Variants in TNFRSF14 observed in about 807,000 individuals in gnomAD.
TNFRSF14 encodes tumor necrosis factor receptor superfamily member 14.
A neutral mutation model predicts 34.1 loss-of-function variants in TNFRSF14; 18 were observed. That is an observed-to-expected ratio of 0.53 (90% CI 0.36 to 0.78). TNFRSF14 has a LOEUF of 0.78. TNFRSF14 is among the 30% of genes least tolerant of loss of function. The pLI, the probability that TNFRSF14 is intolerant of heterozygous loss-of-function variation, is 0.00. For missense variants in TNFRSF14, 352 were observed against 379.5 expected, an observed-to-expected ratio of 0.93 and a Z score of 0.60; for synonymous variants, 157 against 153.2, an observed-to-expected ratio of 1.02 and a Z score of -0.18.
chr1:2,556,488 C>G lies in TNFRSF14; in HGVS notation c.-177C>G. The G allele has an allele frequency of 2.7e-6, 2 of 728,800 alleles. No individual in the cohort carries two copies. Among genetic ancestry groups the G allele is most frequent in the Non-Finnish European group, 4.9e-6 (2 of 408,154 alleles). 45.1% of individuals were successfully genotyped at this position (728,800 alleles called of 1,614,324 possible). On this transcript the variant is annotated 5_prime_UTR_variant, in exon 1 of 8. Transcript: ENST00000355716. ...GAGCCCCTCTCTGCTGCCAGACACC[C>G]CCTGCTGCCCACTCTCCTGCTGCTC...
chr1:2,557,263 C>T (rs563011381), intron 1 of TNFRSF14, among the ~76,000 whole-genome samples: 5 of 152,362 alleles, frequency 3.3e-5, no homozygotes, highest in East Asian at 1.9e-4. Context: ...AACGAGGCCA[C>T]GGCAGAGCCA....
chr1:2,563,065 T>C lies in TNFRSF14; in HGVS notation c.727-83T>C. 7 of 1,594,036 alleles carry C rather than the reference T, an allele frequency of 4.4e-6. No individual in the cohort carries two copies. The South Asian group carries it at 7.8e-5, about 18-fold the overall frequency. On this transcript the variant is annotated intron_variant, in intron 7 of 7. Transcript: ENST00000355716. ...CAGGAAAGAACCCACCCCCTCAAAC[T>C]GAAAGCAGTAAAATGAACCCGAGAA...
rs933618301 is a variant in TNFRSF14 at position 2,561,316 on chromosome 1, C to T, written c.552-357C>T. 12 of 621,760 alleles carry T rather than the reference C, an allele frequency of 1.9e-5. No homozygotes were observed. The highest frequency in any genetic ancestry group is 2.8e-5 in the East Asian group (1 of 35,550). 38.5% of individuals were successfully genotyped at this position (621,760 alleles called of 1,614,324 possible). A position where few individuals can be genotyped will look rare whatever the true frequency, so the allele number is the denominator to read the frequency against. ...TCTCCAGCTCTAACCATTTTTGTCCCGACACTGGCTCTCCCTCTACCTTCT... is the reference window on the plus strand; with the variant it reads ...TCTCCAGCTCTAACCATTTTTGTCCTGACACTGGCTCTCCCTCTACCTTCT... On this transcript the variant is annotated intron_variant, in intron 5 of 7. Coordinates refer to ENST00000355716, the MANE Select transcript of TNFRSF14 (RefSeq NM_003820.4). The surrounding 1 kb of genome is among the most constrained non-coding windows in gnomAD (Gnocchi z 6.0).
intron 6 of TNFRSF14, chr1:2,562,238 C>A: frequency 4.2e-6 from 1 of 238,156 alleles, no homozygotes; most frequent in Non-Finnish European, 8.3e-6. Context: ...TCCACCTATC[C>A]GCCCTGGTCT....
Position 2,561,326 on chromosome 1 carries a change from T to C in TNFRSF14, c.552-347T>C. 3.1e-6 allele frequency: 2 copies of C among 639,952 alleles called. No individual in the cohort carries two copies. Among genetic ancestry groups the C allele is most frequent in the South Asian group, 2.3e-5 (1 of 43,658 alleles). The allele number at this position is 639,952 out of a possible 1,614,324, so 39.6% of individuals were successfully genotyped here. A position where few individuals can be genotyped will look rare whatever the true frequency, so the allele number is the denominator to read the frequency against. ...TAACCATTTTTGTCCCGACACTGGC[T>C]CTCCCTCTACCTTCTGTCCTTGTCT... On this transcript the variant is annotated intron_variant, in intron 5 of 7. Transcript: ENST00000355716. The surrounding 1 kb of genome is among the most constrained non-coding windows in gnomAD (Gnocchi z 6.0).
intron 1 of TNFRSF14, among the ~76,000 whole-genome samples, chr1:2,557,492 C>T (rs1231163140): frequency 3.3e-5 from 5 of 152,132 alleles, no homozygotes; most frequent in Non-Finnish European, 2.9e-5. Context: ...CAGGGCTCCG[C>T]GCTGCCAGGC....
At chr1:2,562,123 C>G in intron 6 of TNFRSF14, 1 of 445,068 alleles carries the variant, frequency 2.2e-6, no homozygotes, top group Non-Finnish European at 4.0e-6. Flanking sequence ...ACAGGCCCTG[C>G]TCAGCTGGGA....
intron 3 of TNFRSF14, chr1:2,559,302 G>C: frequency 2.2e-6 from 3 of 1,367,070 alleles, no homozygotes; most frequent in Non-Finnish European, 2.9e-6. Context: ...CTTGGGCTGA[G>C]GATGTGGGGG....
rs1306455048 is a variant in TNFRSF14 at position 2,562,134 on chromosome 1, G to A, written c.694+319G>A. On this transcript the variant is annotated intron_variant, in intron 6 of 7. Coordinates refer to ENST00000355716, the MANE Select transcript of TNFRSF14 (RefSeq NM_003820.4). ...CAGGACAGGCCCTGCTCAGCTGGGAGAAGCTCTGGGCTGAGGGTCAACAGC... is the reference window on the plus strand; with the variant it reads ...CAGGACAGGCCCTGCTCAGCTGGGAAAAGCTCTGGGCTGAGGGTCAACAGC... The A allele has an allele frequency of 1.7e-5, 7 of 421,766 alleles. No homozygotes were observed. The East Asian group carries it at 2.4e-4, about 14-fold the overall frequency. The allele number at this position is 421,766 out of a possible 1,614,324, so 26.1% of individuals were successfully genotyped here.
chr1:2,555,949 G>C (rs908194882), upstream of TNFRSF14: 1 of 194,324 alleles, frequency 5.1e-6, no homozygotes, highest in Non-Finnish European at 1.1e-5. This position sits in a 1 kb window ranked among gnomAD's most constrained non-coding sequence, Gnocchi z 6.3. Context: ...CAGGGAGACC[G>C]GGCGAGGCTG....
In TNFRSF14 at chr1:2,561,400, C is replaced by T. The variant is rs988710733; in HGVS notation, c.552-273C>T. 19 of 1,301,832 alleles carry T rather than the reference C, an allele frequency of 1.5e-5. No individual in the cohort carries two copies. The highest frequency in any genetic ancestry group is 7.5e-5 in the African/African-American group (5 of 66,812). The allele number at this position is 1,301,832 out of a possible 1,614,324, so 80.6% of individuals were successfully genotyped here. Reference sequence around the variant, plus strand: ...GGTCTCTGCACTGCTGGCTGCCTCCCGCTTCTCTCCCCTCTCCCTCTGCCG... The same window carrying T: ...GGTCTCTGCACTGCTGGCTGCCTCCTGCTTCTCTCCCCTCTCCCTCTGCCG... On this transcript the variant is annotated intron_variant, in intron 5 of 7. Transcript: ENST00000355716. The surrounding 1 kb of genome is among the most constrained non-coding windows in gnomAD (Gnocchi z 6.0).
In TNFRSF14 at chr1:2,560,612, CTCTCT is replaced by C; in HGVS notation, c.461-7_461-3del. 6.2e-7 allele frequency: 1 copy of C among 1,611,432 alleles called. No individual in the cohort carries two copies. The highest frequency in any genetic ancestry group is 8.5e-7 in the Non-Finnish European group (1 of 1,178,744). On this transcript the variant is annotated splice_polypyrimidine_tract_variant and splice_region_variant and intron_variant, in intron 4 of 7. Coordinates refer to ENST00000355716, the MANE Select transcript of TNFRSF14 (RefSeq NM_003820.4). Reference sequence around the variant, plus strand: ...TGCCCTCAGCCCCCTCTGTCCGTCCCTCTCTTCTCAGGCACCGAGAGTCAGGACAC... The same window carrying C: ...TGCCCTCAGCCCCCTCTGTCCGTCCCTCTCAGGCACCGAGAGTCAGGACAC...
In TNFRSF14 at chr1:2,560,605, T is replaced by A. The variant is rs764094444; in HGVS notation, c.461-19T>A. 3.7e-6 allele frequency: 6 copies of A among 1,608,120 alleles called. No individual in the cohort carries two copies. The highest frequency in any genetic ancestry group is 5.1e-6 in the Non-Finnish European group (6 of 1,176,488). Reference sequence around the variant, plus strand: ...GGCCTGGTGCCCTCAGCCCCCTCTGTCCGTCCCTCTCTTCTCAGGCACCGA... The same window carrying A: ...GGCCTGGTGCCCTCAGCCCCCTCTGACCGTCCCTCTCTTCTCAGGCACCGA... On this transcript the variant is annotated intron_variant, in intron 4 of 7. Transcript: ENST00000355716.
At position 2,561,755 on chromosome 1, in the gene TNFRSF14, A is replaced by T; in HGVS notation, c.634A>T (p.Ile212Phe). 12 of 1,613,810 alleles carry T rather than the reference A, an allele frequency of 7.4e-6. No individual in the cohort carries two copies. Among genetic ancestry groups the T allele is most frequent in the Non-Finnish European group, 9.3e-6 (11 of 1,179,986 alleles). Reference protein sequence around the residue: ...VWWFLSGSLVIVIVCSTVGLI... With the variant: ...VWWFLSGSLVFVIVCSTVGLI... ...GTGGTTTCTCTCAGGGAGCCTCGTCATCGTCATTGTTTGCTCCACAGTTGG... is the reference window on the plus strand; with the variant it reads ...GTGGTTTCTCTCAGGGAGCCTCGTCTTCGTCATTGTTTGCTCCACAGTTGG... The change falls in exon 6 of 8, where the codon ATC becomes TTC. Residue 212 changes from isoleucine (I) to phenylalanine (F), a missense_variant. By Grantham distance (21) the Ile-to-Phe change is conservative. Transcript: ENST00000355716. The surrounding 1 kb of genome is among the most constrained non-coding windows in gnomAD (Gnocchi z 6.0).
rs555802197 is a variant in TNFRSF14, at chr1:2,558,546, G to A, written c.304+78G>A. The A allele has an allele frequency of 2.3e-5, 37 of 1,587,966 alleles. No individual in the cohort carries two copies. In the African/African-American group the frequency reaches 4.5e-4, roughly 19 times the overall value. ...CCGCACCCTGCACCCTCTCTCCATGGCCACAGTGCCCCAGGAAGGCCCCGG... is the reference window on the plus strand; with the variant it reads ...CCGCACCCTGCACCCTCTCTCCATGACCACAGTGCCCCAGGAAGGCCCCGG... On this transcript the variant is annotated intron_variant, in intron 3 of 7. Transcript: ENST00000355716.
upstream of TNFRSF14, chr1:2,555,993 G>C: frequency 4.5e-6 from 1 of 221,442 alleles, no homozygotes; most frequent in South Asian, 4.8e-5. The surrounding 1 kb of genome is among the most constrained non-coding windows in gnomAD (Gnocchi z 6.3). Flanking sequence ...GTCTCTGCAG[G>C]GGGAGCAAGA....
rs772178100 is a variant in TNFRSF14, at chr1:2,557,760, A to G, written c.104A>G (p.Tyr35Cys). ...LYLTFLGAPC[Y>C]APALPSCKED... ...CTCACCTTCCTGGGAGCCCCCTGCTACGCCCCAGCTCTGCCGTCCTGCAAG... is the reference window on the plus strand; with the variant it reads ...CTCACCTTCCTGGGAGCCCCCTGCTGCGCCCCAGCTCTGCCGTCCTGCAAG... The change falls in exon 2 of 8, where the codon TAC (tyrosine) becomes TGC (cysteine). Residue 35 changes from tyrosine to cysteine, a missense_variant. Coordinates refer to ENST00000355716, the MANE Select transcript of TNFRSF14 (RefSeq NM_003820.4). The G allele has an allele frequency of 5.0e-6, 8 of 1,610,666 alleles. No homozygotes were observed. Among genetic ancestry groups the G allele is most frequent in the Non-Finnish European group, 6.8e-6 (8 of 1,178,568 alleles).
intron 3 of TNFRSF14, chr1:2,559,300 G>A (rs1260815177): frequency 2.0e-5 from 28 of 1,366,488 alleles, no homozygotes; most frequent in Non-Finnish European, 2.7e-5. Flanking sequence ...TACTTGGGCT[G>A]AGGATGTGGG....
rs148507536 is a variant in TNFRSF14 at position 2,559,170 on chromosome 1, T to C, written c.305-653T>C. 3.5e-3 allele frequency: 4,798 copies of C among 1,366,842 alleles called. 23 individuals carry two copies. The highest frequency in any genetic ancestry group is 6.6e-3 in the South Asian group (540 of 81,472). 84.7% of individuals were successfully genotyped at this position (1,366,842 alleles called of 1,614,324 possible). A position where few individuals can be genotyped will look rare whatever the true frequency, so the allele number is the denominator to read the frequency against. On this transcript the variant is annotated intron_variant, in intron 3 of 7. Transcript: ENST00000355716. Reference sequence around the variant, plus strand: ...AGGCACAGGGCAGGTGGGCTAGCCATGAACAGAAGAGGAAGCTGGAGTGCT... The same window carrying C: ...AGGCACAGGGCAGGTGGGCTAGCCACGAACAGAAGAGGAAGCTGGAGTGCT...
Sources: gnomAD v4.1 joint callset for allele counts (sites outside exome capture counted in the v4.1 genomes callset) on GRCh38, gnomAD v4.1.1 for gene constraint, Gnocchi (gnomAD v3.1) non-coding constraint, MANE v1.5 for transcripts, NCBI Gene and HGNC (gene_info 2026-07-23, HGNC 2026-07-21) for gene names.